Variants in TBC1D5 observed in about 807,000 individuals in gnomAD.
TBC1D5 encodes TBC1 domain family member 5.
In TBC1D5, 75 loss-of-function variants were observed where a neutral mutation model predicts 100.3. The ratio of observed to expected loss-of-function variants is 0.75; its 90% confidence interval spans 0.62 to 0.91. The LOEUF is 0.91. Among genes scored for constraint, TBC1D5 ranks in the 40% least tolerant of loss-of-function variants. The probability of loss-of-function intolerance (pLI) is 0.00; values close to 1 mark genes in which losing one functional copy is unlikely to be tolerated. For synonymous variants in TBC1D5, 323 were observed against 325.6 expected (o/e 0.99, Z 0.09); for missense variants, 910 against 942.4 (o/e 0.97, Z 0.45).
Position 17,519,720 on chromosome 3 carries a change from G to A in TBC1D5, c.-35-11115C>T, listed in dbSNP as rs114254102. On this transcript the variant is annotated intron_variant, in intron 2 of 21. Transcript: ENST00000253692. The stretch of plus-strand genomic sequence containing the variant: ...ATTCCCAGATATGAGGACTAATTGA[G>A]CTATACTTGTTCTACACAGAAGCAC... 6.7e-3 allele frequency among the ~76,000 whole-genome samples: 1,026 copies of A among 152,272 alleles called. 8 individuals are homozygous for A. The highest frequency in any genetic ancestry group is 0.023 in the African/African-American group (963 of 41,550).
chr3:17,481,170 C>T (rs1211289273), intron 3 of TBC1D5, among the ~76,000 whole-genome samples: 1 of 152,226 alleles, frequency 6.6e-6, no homozygotes, highest in Non-Finnish European at 1.5e-5. Flanking sequence ...TGCAGTACAT[C>T]TGATCAAGCC....
intron 1 of TBC1D5, among the ~76,000 whole-genome samples, chr3:17,658,620 G>T (rs1215186453): frequency 2.0e-5 from 3 of 152,092 alleles, no homozygotes; most frequent in African/African-American, 7.2e-5. Flanking sequence ...AGACCAGTAG[G>T]GTGTTTACAA....
At chr3:17,349,244 A>G (rs2090268426) in intron 13 of TBC1D5, among the ~76,000 whole-genome samples, 1 of 152,182 alleles carries the variant, frequency 6.6e-6, no homozygotes, top group Non-Finnish European at 1.5e-5. Context: ...AATCACTTTC[A>G]GGGCATGTTA....
At chr3:17,168,802 C>A (rs2066893472) in intron 19 of TBC1D5, among the ~76,000 whole-genome samples, 2 of 152,058 alleles carry the variant, frequency 1.3e-5, no homozygotes, top group South Asian at 4.2e-4. Context: ...TAAAAAAATG[C>A]CCACTTACAA....
At chr3:17,160,038 G>A (rs1369346663) in exon 22 of TBC1D5, 2 of 151,798 alleles carry the variant, frequency 1.3e-5, no homozygotes, top group Non-Finnish European at 2.9e-5. Flanking sequence ...AGAGAAACCT[G>A]ACTAGAAAAC....
chr3:17,518,028 T>A (rs2096012895), intron 2 of TBC1D5, among the ~76,000 whole-genome samples: 2 of 152,180 alleles, frequency 1.3e-5, no homozygotes, highest in African/African-American at 4.8e-5. Flanking sequence ...CATTAAAAAT[T>A]CTTCATAAGA....
At position 17,171,983 on chromosome 3, in the gene TBC1D5, T is replaced by C. The variant is rs1365193498; in HGVS notation, c.1853-4155A>G. Among the ~76,000 whole-genome samples, 3 of 152,304 alleles carry C rather than the reference T, an allele frequency of 2.0e-5. No homozygotes were observed. The East Asian group carries it at 5.8e-4, about 29-fold the overall frequency. ...AAGAGGGAAGAACTCAGAGCTGTAG[T>C]ATCACCACCAGCATACCCTCATCTA... On this transcript the variant is annotated intron_variant, in intron 19 of 21. Coordinates refer to ENST00000253692, the Ensembl canonical transcript of TBC1D5.
chr3:17,636,009 AT>A lies in TBC1D5; in HGVS notation c.-100-12097del, dbSNP rs1308698808. Among the ~76,000 whole-genome samples, 7 of 152,066 alleles carry A rather than the reference AT, an allele frequency of 4.6e-5. No homozygotes were observed. In the East Asian group the frequency reaches 1.4e-3, roughly 30 times the overall value. ...GGAGTTCAAGATCAGCCTGGCCAAC[AT>A]GGTAAAACCCCACCTCTACTAAAAA... On this transcript the variant is annotated intron_variant, in intron 1 of 21. Transcript: ENST00000253692.
rs115110526 is a variant in TBC1D5, at chr3:17,670,184, G to A, written c.-100-46271C>T. On this transcript the variant is annotated intron_variant, in intron 1 of 21. Coordinates refer to ENST00000253692, the Ensembl canonical transcript of TBC1D5. Reference sequence around the variant, plus strand: ...ATTACAGGAGTGAGCCACCACGCCCGGCCAGACTGTCTTATGTTTTTACGT... The same window carrying A: ...ATTACAGGAGTGAGCCACCACGCCCAGCCAGACTGTCTTATGTTTTTACGT... Among the ~76,000 whole-genome samples the A allele has an allele frequency of 9.3e-3, 1,419 of 152,202 alleles. 11 individuals are homozygous for A. The highest frequency in any genetic ancestry group is 0.019 in the African/African-American group (785 of 41,548).
intron 2 of TBC1D5, among the ~76,000 whole-genome samples, chr3:17,531,433 C>T (rs1360002708): frequency 1.3e-5 from 2 of 152,208 alleles, no homozygotes; most frequent in South Asian, 4.2e-4. Context: ...AGATTCAATG[C>T]CATCCCCATC....
intron 1 of TBC1D5, among the ~76,000 whole-genome samples, chr3:17,639,651 G>A (rs531203803): frequency 6.6e-6 from 1 of 152,122 alleles, no homozygotes; most frequent in African/African-American, 2.4e-5. Context: ...GGGGTCTGAG[G>A]GGATCAATTT....
chr3:17,628,634 G>A (rs187218559), intron 1 of TBC1D5, among the ~76,000 whole-genome samples: 54 of 152,286 alleles, frequency 3.5e-4, no homozygotes, highest in African/African-American at 1.3e-3. Context: ...TCAAGATTTA[G>A]AATTCCAATG....
rs750319736 is a variant in TBC1D5 at position 17,166,821 on chromosome 3, CTGGCCGCTGGAGCA to C, written c.2026_2039del (p.Cys676GlyfsTer17). The C allele has an allele frequency of 1.2e-6, 2 of 1,614,192 alleles. No individual in the cohort carries two copies. Among genetic ancestry groups the C allele is most frequent in the Admixed American group, 3.3e-5 (2 of 60,022 alleles). On this transcript the variant is annotated frameshift_variant, in exon 21 of 22. Coordinates refer to ENST00000253692, the Ensembl canonical transcript of TBC1D5. LOFTEE classifies it high-confidence loss of function. ...TCTGGCCTTGGCCTCGGCCCTGGCC[CTGGCCGCTGGAGCA>C]GTAGTGGTTGTCCGCAATGGTGATC...
intron 16 of TBC1D5, among the ~76,000 whole-genome samples, chr3:17,256,051 C>A (rs970952416): frequency 1.3e-5 from 2 of 151,824 alleles, no homozygotes; most frequent in South Asian, 2.1e-4. Context: ...ATAAAAACAA[C>A]AAAAAAAATT....
intron 17 of TBC1D5, 148 bp from the exon 19 acceptor site, chr3:17,214,518 G>A: frequency 2.6e-6 from 2 of 775,450 alleles, no homozygotes; most frequent in Non-Finnish European, 1.9e-6. Context: ...TAAAATGCAT[G>A]CATTTTTATG....
At chr3:17,482,544 T>C (rs1228360788) in intron 3 of TBC1D5, among the ~76,000 whole-genome samples, 1 of 152,202 alleles carries the variant, frequency 6.6e-6, no homozygotes, top group Non-Finnish European at 1.5e-5. Context: ...TCATATTCAA[T>C]GTTTAAACAA....
intron 3 of TBC1D5, among the ~76,000 whole-genome samples, chr3:17,462,321 A>ATTTTTTTTTTTTTTTTTTTTTTTTTTT (rs1188024653): frequency 7.0e-6 from 1 of 143,028 alleles, no homozygotes; most frequent in African/African-American, 2.8e-5. Flanking sequence ...TTCGGACCTT[A>ATTTTTTTTTTTTTTTTTTTTTTTTTTT]ATTTTTTTTT....
chr3:17,362,348 G>A (rs1200044194), intron 13 of TBC1D5, among the ~76,000 whole-genome samples: 3 of 152,142 alleles, frequency 2.0e-5, no homozygotes, highest in Non-Finnish European at 4.4e-5. Flanking sequence ...TTCAGATTGG[G>A]GGACAATTTG....
chr3:17,164,915 T>C (rs2596654), intron 21 of TBC1D5, among the ~76,000 whole-genome samples: 106,083 of 152,134 alleles, frequency 0.7, 37,297 homozygotes, highest in East Asian at 0.9. Context: ...TCAGTAAAAC[T>C]CTTTTCAGGA....
Sources: gnomAD v4.1 joint callset for allele counts (sites outside exome capture counted in the v4.1 genomes callset) on GRCh38, gnomAD v4.1.1 for gene constraint, MANE v1.5 for transcripts, NCBI Gene and HGNC (gene_info 2026-07-23, HGNC 2026-07-21) for gene names.